The following COL5A2 variants were observed in gnomAD, a reference collection of about 807,000 sequenced individuals.
The protein encoded by COL5A2 is collagen alpha-2(V) chain.
In COL5A2, 23 loss-of-function variants were observed where a neutral mutation model predicts 208.2. The observed-to-expected ratio is 0.11, with a 90% CI of 0.08 to 0.16. COL5A2 has a LOEUF of 0.16. Among genes scored for constraint, COL5A2 ranks in the 10% least tolerant of loss-of-function variants. The pLI is 1.00. For synonymous variants in COL5A2, 625 were observed against 628.5 expected, an observed-to-expected ratio of 0.99 and a Z score of 0.08; for missense variants, 1,590 against 1,956.4, an observed-to-expected ratio of 0.81 and a Z score of 3.53.
intron 1 of COL5A2, among the ~76,000 whole-genome samples, chr2:189,191,385 A>G (rs1410188448): frequency 6.6e-6 from 1 of 152,164 alleles, no homozygotes; most frequent in African/African-American, 2.4e-5. Flanking sequence ...TCAAGTCTGT[A>G]ATCCCAGCAC....
chr2:189,398,265 T>C, the COL5A2 span, among the ~76,000 whole-genome samples: 1 of 152,148 alleles, frequency 6.6e-6, no homozygotes, highest in Non-Finnish European at 1.5e-5. Context: ...CTGAGTGCAG[T>C]CTTCCATGTG....
At chr2:189,078,491 T>C (rs1416520729) in intron 16 of COL5A2, 25 bp downstream of exon 16, 1 of 1,577,438 alleles carries the variant, frequency 6.3e-7, no homozygotes, top group Admixed American at 1.7e-5. Context: ...ATCTCAGCAG[T>C]ATAAGTAAAA....
At chr2:189,262,726 T>C in the COL5A2 span, among the ~76,000 whole-genome samples, 1 of 152,088 alleles carries the variant, frequency 6.6e-6, no homozygotes, top group Non-Finnish European at 1.5e-5. Context: ...ATTGTTCTAA[T>C]AAGAAATTTA....
chr2:189,034,269 T>C (rs1051901976), intron 53 of COL5A2, 53 bp from the exon 54 acceptor site: 1 of 1,597,940 alleles, frequency 6.3e-7, no homozygotes, highest in African/African-American at 1.3e-5. Context: ...TTTCCAAGTA[T>C]GTTAGACAGC....
At chr2:189,343,938 T>C in the COL5A2 span, among the ~76,000 whole-genome samples, 8 of 152,094 alleles carry the variant, frequency 5.3e-5, no homozygotes, top group Non-Finnish European at 7.4e-5. Flanking sequence ...AAGACATTTC[T>C]ATTTCTATCT....
the COL5A2 span, among the ~76,000 whole-genome samples, chr2:189,371,735 G>C: frequency 6.6e-6 from 1 of 152,160 alleles, no homozygotes; most frequent in Admixed American, 6.5e-5. Flanking sequence ...TCAGTTACAG[G>C]AGCAAAGAAG....
chr2:189,083,918 G>A, intron 12 of COL5A2, 66 bp downstream of exon 12: 2 of 1,182,554 alleles, frequency 1.7e-6, no homozygotes, highest in South Asian at 2.4e-5. Context: ...TGCATACAGA[G>A]AATTGTGATT....
chr2:189,393,020 CATAA>C, the COL5A2 span, among the ~76,000 whole-genome samples: 7 of 152,040 alleles, frequency 4.6e-5, no homozygotes, highest in African/African-American at 1.7e-4. Context: ...GAACTCTACG[CATAA>C]ATAAAAGAAA....
intron 1 of COL5A2, among the ~76,000 whole-genome samples, chr2:189,161,461 G>C (rs916849977): frequency 6.6e-6 from 1 of 151,988 alleles, no homozygotes; most frequent in Non-Finnish European, 1.5e-5. Context: ...ACAGTGCTTT[G>C]ATGTACATAT....
chr2:189,057,120 T>C, intron 34 of COL5A2, 94 bp from the exon 35 acceptor site: 1 of 1,383,122 alleles, frequency 7.2e-7, no homozygotes, highest in Non-Finnish European at 1.0e-6. Context: ...AATTGTCATT[T>C]TCCTAGTCGT....
chr2:189,318,011 TTTTG>T, the COL5A2 span, among the ~76,000 whole-genome samples: 9 of 152,198 alleles, frequency 5.9e-5, no homozygotes, highest in South Asian at 2.1e-4. Context: ...TAGGAAAGTT[TTTTG>T]TTTGTTTGTT....
chr2:189,369,248 T>TAA, the COL5A2 span, among the ~76,000 whole-genome samples: 1 of 152,156 alleles, frequency 6.6e-6, no homozygotes, highest in African/African-American at 2.4e-5. Context: ...TAGTCTTACC[T>TAA]AATTTTGAAG....
Position 189,179,577 on chromosome 2 carries a change from G to T in COL5A2, c.28C>A (p.Pro10Thr), listed in dbSNP as rs1457897938. 1 of 1,609,132 alleles carries T rather than the reference G, an allele frequency of 6.2e-7. No individual in the cohort carries two copies. Among genetic ancestry groups the T allele is most frequent in the Admixed American group, 1.7e-5 (1 of 59,576 alleles). The change falls in exon 1 of 54, where the codon CCT becomes ACT. Residue 10 changes from proline to threonine, a missense_variant. Pro to Thr is a conservative substitution (Grantham distance 38). Coordinates refer to ENST00000374866, the MANE Select transcript of COL5A2 (RefSeq NM_000393.5). MMANWAEAR[P>T]LLILIVLLGQ... ...AATAAAACAATAAGAATGAGGAGAG[G>T]TCTTGCTTCCGCCCAGTTTGCCATC...
At chr2:189,068,638 C>T in intron 19 of COL5A2, 148 bp downstream of exon 19, 1 of 669,620 alleles carries the variant, frequency 1.5e-6, no homozygotes, top group South Asian at 1.8e-5. Context: ...GATTATTACA[C>T]ATCTTAGGCA....
the COL5A2 span, among the ~76,000 whole-genome samples, chr2:189,274,914 T>C: frequency 2.0e-5 from 3 of 152,152 alleles, no homozygotes; most frequent in Non-Finnish European, 4.4e-5. Context: ...CTGTGGGCAA[T>C]AGTTGAATGA....
At chr2:189,042,973 C>A (rs558154009) in intron 48 of COL5A2, among the ~76,000 whole-genome samples, 178 bp downstream of exon 48, 1 of 152,308 alleles carries the variant, frequency 6.6e-6, no homozygotes, top group African/African-American at 2.4e-5. Flanking sequence ...TTTATTTCTT[C>A]CCTACAAAAT....
Position 189,045,161 on chromosome 2 carries a change from CA to C in COL5A2, c.3363+17del, listed in dbSNP as rs759671468. 4.4e-6 allele frequency: 7 copies of C among 1,578,934 alleles called. No homozygotes were observed. The East Asian group carries it at 1.1e-4, about 26-fold the overall frequency. Reference sequence around the variant, plus strand: ...ATATAAGAAAACATTTTTTAAAAAACAAAAAAAGAGAACTTACAGGTAATCC... The same window carrying C: ...ATATAAGAAAACATTTTTTAAAAAACAAAAAAGAGAACTTACAGGTAATCC... On this transcript the variant is annotated intron_variant, in intron 47 of 53. Transcript: ENST00000374866.
chr2:189,045,192 T>G lies in COL5A2; in HGVS notation c.3350A>C (p.Lys1117Thr). Residue 1117 changes from lysine to threonine, a missense_variant, in exon 47 of 54, where the codon AAA (lysine) becomes ACA (threonine). Lys to Thr is a moderately conservative substitution (Grantham distance 78). Coordinates refer to ENST00000374866, the MANE Select transcript of COL5A2 (RefSeq NM_000393.5). ...GPIGPPGRAG[K>T]RGLPGPQGPR... ...AAGAGAACTTACAGGTAATCCACGT[T>G]TCCCAGCTCGACCAGGTGGTCCTAT... 1 of 1,606,788 alleles carries G rather than the reference T, an allele frequency of 6.2e-7. No individual in the cohort carries two copies.
the COL5A2 span, among the ~76,000 whole-genome samples, chr2:189,430,032 T>C: frequency 6.6e-6 from 1 of 152,222 alleles, no homozygotes; most frequent in Non-Finnish European, 1.5e-5. Flanking sequence ...ATGTATTTAC[T>C]GGCATTGACA....
Sources: gnomAD v4.1 joint callset for allele counts (sites outside exome capture counted in the v4.1 genomes callset) on GRCh38, gnomAD v4.1.1 for gene constraint, MANE v1.5 for transcripts, NCBI Gene and HGNC (gene_info 2026-07-23, HGNC 2026-07-21) for gene names.